RTEL1: variants seen among roughly 807,000 people sequenced by gnomAD.
The protein encoded by RTEL1 is regulator of telomere elongation helicase 1.
RTEL1 carries 86 observed loss-of-function variants against 162.2 expected under a neutral mutation model. The observed-to-expected ratio is 0.53, with a 90% confidence interval of 0.45 to 0.63. The LOEUF is 0.63. Among genes scored for constraint, RTEL1 ranks in the 30% least tolerant of loss-of-function variants. The probability of loss-of-function intolerance (pLI) is 0.00; values close to 1 mark genes in which losing one functional copy is unlikely to be tolerated. For synonymous variants in RTEL1, 958 were observed against 717.9 expected, an observed-to-expected ratio of 1.33 and a Z score of -5.35; for missense variants, 1,941 against 1,750.2, an observed-to-expected ratio of 1.11 and a Z score of -1.95.
chr20:63,691,674 C>T (rs1466317520), intron 27 of RTEL1, 68 bp from the exon 28 acceptor site: 6 of 1,394,840 alleles, frequency 4.3e-6, no homozygotes, highest in African/African-American at 1.4e-5. Context: ...CCTGTGCGTC[C>T]AGGTGCTTTG....
intron 14 of RTEL1, among the ~76,000 whole-genome samples, chr20:63,682,821 G>T (rs776607122): frequency 6.6e-6 from 1 of 152,226 alleles, no homozygotes; most frequent in African/African-American, 2.4e-5. Flanking sequence ...GTGCTCGGAA[G>T]TCAGGGCTTA....
rs570015824 is a variant in RTEL1, at chr20:63,691,365, C to T, written c.2557-377C>T. Among the ~76,000 whole-genome samples, 18 of 152,260 alleles carry T rather than the reference C, an allele frequency of 1.2e-4. No homozygotes were observed. In the East Asian group the frequency reaches 1.9e-3, roughly 16 times the overall value. On this transcript the variant is annotated intron_variant, in intron 27 of 34. Coordinates refer to ENST00000360203, the MANE Select transcript of RTEL1 (RefSeq NM_001283009.2). ...AAGCCCATAATTCCTCAGGCCAACCCGAAATTTTCTCCCTGCTTCCTGCTG... is the reference window on the plus strand; with the variant it reads ...AAGCCCATAATTCCTCAGGCCAACCTGAAATTTTCTCCCTGCTTCCTGCTG...
chr20:63,690,652 C>T (rs1369309256), intron 26 of RTEL1, among the ~76,000 whole-genome samples, 153 bp from the exon 27 acceptor site: 2 of 152,108 alleles, frequency 1.3e-5, no homozygotes, highest in Admixed American at 6.5e-5. Context: ...CAAGGATGCC[C>T]CCCGAGGCTG....
chr20:63,672,636 G>T lies in RTEL1; in HGVS notation c.765+15G>T, dbSNP rs1264108999. ...CTCACAACGTGGTGAGTCTCCGCTGGCCTCCTAAACACCTCCTATTGCTTC... is the reference window on the plus strand; with the variant it reads ...CTCACAACGTGGTGAGTCTCCGCTGTCCTCCTAAACACCTCCTATTGCTTC... On this transcript the variant is annotated intron_variant, in intron 9 of 34. Transcript: ENST00000360203. 6 of 1,570,590 alleles carry T rather than the reference G, an allele frequency of 3.8e-6. No homozygotes were observed. Among genetic ancestry groups the T allele is most frequent in the Admixed American group, 1.8e-5 (1 of 54,656 alleles).
intron 26 of RTEL1, 132 bp from the exon 27 acceptor site, chr20:63,690,673 C>T (rs377672535): frequency 1.3e-5 from 15 of 1,111,630 alleles, no homozygotes; most frequent in African/African-American, 1.3e-4. Flanking sequence ...AGACTCCCCC[C>T]AATAGCAGGG....
intron 7 of RTEL1, among the ~76,000 whole-genome samples, chr20:63,667,237 T>C (rs922124299): frequency 1.3e-5 from 2 of 152,116 alleles, no homozygotes; most frequent in African/African-American, 4.8e-5. Flanking sequence ...AGACGACGAT[T>C]TACATGGTCG....
rs778734749 is a variant in RTEL1, at chr20:63,695,098, C to T, written c.3376C>T (p.Gln1126Ter). Reference protein sequence around the residue: ...FSMFVRPHHKQRFSQTCTDLT... With the variant: ...FSMFVRPHHK Reference sequence around the variant, plus strand: ...CATGTTTGTGCGTCCACACCACAAGCAGCGCTTCTCACAGACGTGCACAGA... The same window carrying T: ...CATGTTTGTGCGTCCACACCACAAGTAGCGCTTCTCACAGACGTGCACAGA... The change falls in exon 33 of 35, where the codon CAG becomes TAG. Residue 1126 changes from glutamine to a stop codon, truncating the protein, a stop_gained. Coordinates refer to ENST00000360203, the MANE Select transcript of RTEL1 (RefSeq NM_001283009.2). LOFTEE classifies it high-confidence loss of function. 1 of 1,612,276 alleles carries T rather than the reference C, an allele frequency of 6.2e-7. No homozygotes were observed. Among genetic ancestry groups the T allele is most frequent in the African/African-American group, 1.3e-5 (1 of 74,918 alleles).
At chr20:63,673,219 C>G (rs2090281185) in intron 9 of RTEL1, among the ~76,000 whole-genome samples, 1 of 151,898 alleles carries the variant, frequency 6.6e-6, no homozygotes, top group Admixed American at 6.6e-5. Flanking sequence ...TAGTGAAACA[C>G]CGTCTCTACT....
intron 21 of RTEL1, 42 bp downstream of exon 21, chr20:63,688,647 G>A (rs1175015281): frequency 1.9e-6 from 3 of 1,543,952 alleles, no homozygotes; most frequent in African/African-American, 2.7e-5. Context: ...GCCCCCTCGT[G>A]CCTCCCCTGC....
rs113486739 is a variant in RTEL1, at chr20:63,677,697, G to A, written c.920-448G>A. ...TTTGGCCTGTGTAGCCTCTTCCTTCGCCTGTTGGTGGATTTGGCCTGCACG... is the reference window on the plus strand; with the variant it reads ...TTTGGCCTGTGTAGCCTCTTCCTTCACCTGTTGGTGGATTTGGCCTGCACG... On this transcript the variant is annotated intron_variant, in intron 10 of 34. Coordinates refer to ENST00000360203, the MANE Select transcript of RTEL1 (RefSeq NM_001283009.2). Among the ~76,000 whole-genome samples, 990 of 150,662 alleles carry A rather than the reference G, an allele frequency of 6.6e-3. 6 individuals carry two copies. The highest frequency in any genetic ancestry group is 0.011 in the Non-Finnish European group (760 of 67,606).
chr20:63,686,077 G>A, intron 16 of RTEL1: 1 of 614,512 alleles, frequency 1.6e-6, no homozygotes, highest in South Asian at 1.9e-5. Flanking sequence ...ATGGCCTGAT[G>A]GCACCGTGAC....
Position 63,685,543 on chromosome 20 carries a change from C to T in RTEL1, c.1212C>T (p.Pro404=), listed in dbSNP as rs1187516130. Reference sequence around the variant, plus strand: ...TTCAGATTGTGTTCAGTGTGGACCCCTCCGAGGGCAGCCCTGGTTCCCCAG... The same window carrying T: ...TTCAGATTGTGTTCAGTGTGGACCCTTCCGAGGGCAGCCCTGGTTCCCCAG... ...DIIQIVFSVD[P]SEGSPGSPAG... Residue 404 remains proline (P), a synonymous_variant, in exon 15 of 35, where the codon CCC becomes CCT. Transcript: ENST00000360203. 1.9e-6 allele frequency: 3 copies of T among 1,612,398 alleles called. No individual in the cohort carries two copies. The South Asian group carries it at 3.3e-5, about 18-fold the overall frequency.
chr20:63,693,035 A>G, intron 29 of RTEL1, 32 bp downstream of exon 29: 1 of 1,610,788 alleles, frequency 6.2e-7, no homozygotes, highest in Non-Finnish European at 8.5e-7. Flanking sequence ...ACCCACCCTG[A>G]GGGCAGTGCT....
rs766637626 is a variant in RTEL1, at chr20:63,662,612, G to A, written c.462G>A (p.Glu154=). The A allele has an allele frequency of 5.0e-6, 8 of 1,613,914 alleles. No individual in the cohort carries two copies. In the Admixed American group the frequency reaches 1.3e-4, roughly 27 times the overall value. The part of the protein sequence containing the change: ...LCIHPEVKKQ[E]SNHLQIHLCR... Reference sequence around the variant, plus strand: ...TCCATCCTGAGGTGAAGAAACAAGAGAGTAACCATCTACAGGTAGGCTCCT... The same window carrying A: ...TCCATCCTGAGGTGAAGAAACAAGAAAGTAACCATCTACAGGTAGGCTCCT... Residue 154 remains glutamate, a synonymous_variant, in exon 5 of 35, where the codon GAG becomes GAA. Coordinates refer to ENST00000360203, the MANE Select transcript of RTEL1 (RefSeq NM_001283009.2).
At chr20:63,681,772 C>T (rs1309913057) in intron 14 of RTEL1, 2 of 985,348 alleles carry the variant, frequency 2.0e-6, no homozygotes, top group South Asian at 4.7e-5. Context: ...TCTCTGTGGC[C>T]AGTGACGCCA....
At chr20:63,694,179 C>G (rs530103223) in intron 30 of RTEL1, 193 bp from the exon 31 acceptor site, 34 of 600,436 alleles carry the variant, frequency 5.7e-5, no homozygotes, top group South Asian at 4.3e-4. Flanking sequence ...CTGCCCGCCA[C>G]TGTTCCAGCC....
At chr20:63,673,799 G>A in intron 9 of RTEL1, 141 bp from the exon 10 acceptor site, 1 of 861,930 alleles carries the variant, frequency 1.2e-6, no homozygotes, top group Non-Finnish European at 1.8e-6. Flanking sequence ...CCTACTTGTG[G>A]CCTTTTACAG....
chr20:63,683,688 C>T (rs975402660), intron 14 of RTEL1, among the ~76,000 whole-genome samples: 4 of 152,154 alleles, frequency 2.6e-5, no homozygotes, highest in African/African-American at 4.8e-5. Flanking sequence ...GCTCTGACGG[C>T]GGTGGCTTGG....
chr20:63,674,131 C>CGCT, intron 10 of RTEL1, 38 bp downstream of exon 10: 1 of 1,562,528 alleles, frequency 6.4e-7, no homozygotes, highest in Admixed American at 1.8e-5. Flanking sequence ...CTGAGGCCTG[C>CGCT]GCTGCTGCAG....
Sources: allele counts gnomAD v4.1 joint callset (sites outside exome capture counted in the v4.1 genomes callset), GRCh38; gene constraint gnomAD v4.1.1; transcripts MANE v1.5; gene names NCBI Gene and HGNC (gene_info 2026-07-23, HGNC 2026-07-21).